PGR: variants seen among roughly 807,000 people sequenced by gnomAD.
PGR encodes progesterone receptor.
A neutral mutation model predicts 76.1 loss-of-function variants in PGR; 25 were observed. The ratio of observed to expected loss-of-function variants is 0.33; its 90% CI spans 0.24 to 0.46. The LOEUF (loss-of-function observed/expected upper bound fraction) is 0.46, where lower values mean the gene tolerates loss of function less well. PGR is among the 20% of genes least tolerant of loss of function. PGR has a pLI of 1.00. For missense variants in PGR, 1,172 were observed against 1,225.3 expected, an observed-to-expected ratio of 0.96 and a Z score of 0.65; for synonymous variants, 579 against 535.0, an observed-to-expected ratio of 1.08 and a Z score of -1.14.
intron 2 of PGR, among the ~76,000 whole-genome samples, chr11:101,109,993 A>C (rs1469822183): frequency 6.6e-6 from 1 of 152,208 alleles, no homozygotes; most frequent in Non-Finnish European, 1.5e-5. Context: ...TAGAAATGGA[A>C]CAACAAAGCC....
In PGR at chr11:101,036,235, G is replaced by T; in HGVS notation, c.*2881C>A. 1 of 220,722 alleles carries T rather than the reference G, an allele frequency of 4.5e-6. No individual in the cohort carries two copies. The highest frequency in any genetic ancestry group is 9.1e-6 in the Non-Finnish European group (1 of 110,366). 13.7% of individuals were successfully genotyped at this position (220,722 alleles called of 1,614,324 possible). ...ATCATATTTCCATATCATCTGTATAGCAATAAATTATCTTAATGTTAAATG... is the reference window on the plus strand; with the variant it reads ...ATCATATTTCCATATCATCTGTATATCAATAAATTATCTTAATGTTAAATG... On this transcript the variant is annotated 3_prime_UTR_variant, in exon 8 of 8. Transcript: ENST00000325455.
Position 101,062,675 on chromosome 11 carries a change from C to A in PGR, c.1984G>T (p.Val662Phe). 1 of 1,613,834 alleles carries A rather than the reference C, an allele frequency of 6.2e-7. No homozygotes were observed. The highest frequency in any genetic ancestry group is 8.5e-7 in the Non-Finnish European group (1 of 1,179,818). ...CTTAGGGCTTGGCTTTCATTTGGAA[C>A]GCCCACTGGCTGTGGGAGAGCAACA... ...DAVALPQPVG[V>F]PNESQALSQR... Residue 662 changes from valine (V) to phenylalanine (F), a missense_variant, in exon 4 of 8, where the codon GTT becomes TTT. By Grantham distance (50) the Val-to-Phe change is conservative. Coordinates refer to ENST00000325455, the MANE Select transcript of PGR (RefSeq NM_000926.4).
In PGR at chr11:101,052,668, C is replaced by G. The variant is rs565776914; in HGVS notation, c.2213-1100G>C. ...GGAATAAGTCTGGAGTTAGGGAGGA[C>G]AGTTGGGAGATACTGTCAAAGCCCA... On this transcript the variant is annotated intron_variant, in intron 4 of 7. Transcript: ENST00000325455. Among the ~76,000 whole-genome samples the G allele has an allele frequency of 5.9e-4, 90 of 152,072 alleles. 1 individual carries two copies. The highest frequency in any genetic ancestry group is 2.8e-4 in the Non-Finnish European group (19 of 67,996).
chr11:101,080,979 T>G (rs1338179954), intron 3 of PGR, among the ~76,000 whole-genome samples: 2 of 152,040 alleles, frequency 1.3e-5, no homozygotes, highest in African/African-American at 2.4e-5. Context: ...TAAGATTATA[T>G]AAAGCAAAAA....
chr11:101,066,829 A>T (rs1400309994), intron 3 of PGR, among the ~76,000 whole-genome samples: 1 of 152,104 alleles, frequency 6.6e-6, no homozygotes, highest in Non-Finnish European at 1.5e-5. Context: ...CCAAATCCAA[A>T]TACCTGTTTC....
chr11:101,063,420 G>T (rs1403832023), intron 3 of PGR: 1 of 152,224 alleles, frequency 6.6e-6, no homozygotes, highest in East Asian at 1.9e-4. Context: ...ATTTCTGGAT[G>T]ATTTCTGGAG....
intron 6 of PGR, among the ~76,000 whole-genome samples, chr11:101,045,552 G>C (rs1859842903): frequency 1.3e-5 from 2 of 152,056 alleles, no homozygotes; most frequent in Non-Finnish European, 2.9e-5. Context: ...AGAACATGTG[G>C]TATCTGACTT....
rs999987591 is a variant in PGR at position 101,101,294 on chromosome 11, A to G, written c.1790-9418T>C. 3.3e-5 allele frequency among the ~76,000 whole-genome samples: 5 copies of G among 152,210 alleles called. No homozygotes were observed. The South Asian group carries it at 1.0e-3, about 32-fold the overall frequency. ...GTACATAATGATATGTAAGAAGAGA[A>G]AGAATGAAAGAAACAAGAGGAACTC... On this transcript the variant is annotated intron_variant, in intron 2 of 7. Transcript: ENST00000325455.
chr11:101,127,940 A>G lies in PGR; in HGVS notation c.1131T>C (p.Tyr377=), dbSNP rs758366886. The G allele has an allele frequency of 3.4e-5, 55 of 1,610,282 alleles. No individual in the cohort carries two copies. Among genetic ancestry groups the G allele is most frequent in the Non-Finnish European group, 4.2e-5 (50 of 1,179,272 alleles). Residue 377 remains tyrosine, a synonymous_variant, in exon 1 of 8, where the codon TAT becomes TAC. Transcript: ENST00000325455. The part of the protein sequence containing the change: ...AEPKDDAYPL[Y]SDFQPPALKI... ...TTAGAGCGGGCGGCTGGAAGTCGCTATAGAGAGGGTACGCGTCGTCCTTGG... is the reference window on the plus strand; with the variant it reads ...TTAGAGCGGGCGGCTGGAAGTCGCTGTAGAGAGGGTACGCGTCGTCCTTGG...
At chr11:101,117,598 G>A (rs1191457528) in intron 2 of PGR, among the ~76,000 whole-genome samples, 1 of 151,360 alleles carries the variant, frequency 6.6e-6, no homozygotes, top group East Asian at 1.9e-4. Flanking sequence ...CATACTTTTA[G>A]GTTTCTTTTC....
intron 3 of PGR, among the ~76,000 whole-genome samples, chr11:101,069,415 G>A (rs1267845227): frequency 2.0e-5 from 3 of 152,180 alleles, no homozygotes. Flanking sequence ...GTTGGTGGGA[G>A]TGTAAATTAG....
intron 3 of PGR, among the ~76,000 whole-genome samples, chr11:101,072,451 T>C (rs961890139): frequency 2.0e-5 from 3 of 152,180 alleles, no homozygotes; most frequent in African/African-American, 7.2e-5. Flanking sequence ...AGCATCATAA[T>C]GACAGGATCA....
At chr11:101,080,601 G>C (rs1396732656) in intron 3 of PGR, among the ~76,000 whole-genome samples, 1 of 152,114 alleles carries the variant, frequency 6.6e-6, no homozygotes, top group Non-Finnish European at 1.5e-5. Context: ...ACATCACTAA[G>C]GGATTGCACT....
chr11:101,120,769 AT>A (rs1367189152), intron 2 of PGR, among the ~76,000 whole-genome samples: 1 of 152,194 alleles, frequency 6.6e-6, no homozygotes, highest in Non-Finnish European at 1.5e-5. Flanking sequence ...CTTAAGCCTT[AT>A]TGATAACATT....
chr11:101,051,338 T>C (rs1164643640), intron 5 of PGR, 86 bp downstream of exon 5: 11 of 894,026 alleles, frequency 1.2e-5, no homozygotes, highest in Non-Finnish European at 1.9e-5. Flanking sequence ...GAACACTAAA[T>C]ATGTGATCAT....
intron 3 of PGR, among the ~76,000 whole-genome samples, chr11:101,069,894 A>G (rs189933612): frequency 4.6e-5 from 7 of 152,216 alleles, no homozygotes; most frequent in Non-Finnish European, 7.4e-5. Flanking sequence ...TAGTAGAAAC[A>G]TCTAATGTAG....
rs1859397467 is a variant in PGR at position 101,032,960 on chromosome 11, A to C, written c.*6156T>G. The C allele has an allele frequency of 5.4e-6, 1 of 186,608 alleles. No homozygotes were observed. Among genetic ancestry groups the C allele is most frequent in the African/African-American group, 2.3e-5 (1 of 42,760 alleles). 11.6% of individuals were successfully genotyped at this position (186,608 alleles called of 1,614,324 possible). A position where few individuals can be genotyped will look rare whatever the true frequency, so the allele number is the denominator to read the frequency against. On this transcript the variant is annotated 3_prime_UTR_variant, in exon 8 of 8. Transcript: ENST00000325455. ...TTTTCAACAAAAAATAATTAATTTAATGTTTTAGAGAGCCCTCCATGTAAC... is the reference window on the plus strand; with the variant it reads ...TTTTCAACAAAAAATAATTAATTTACTGTTTTAGAGAGCCCTCCATGTAAC...
chr11:101,042,155 C>A (rs1859714418), intron 6 of PGR, 53 bp from the exon 7 acceptor site: 2 of 1,545,852 alleles, frequency 1.3e-6, no homozygotes, highest in African/African-American at 1.4e-5. Flanking sequence ...ATGACATTAA[C>A]AATTTATAAC....
chr11:101,117,306 T>G (rs1302839774), intron 2 of PGR, among the ~76,000 whole-genome samples: 1 of 152,216 alleles, frequency 6.6e-6, no homozygotes, highest in Non-Finnish European at 1.5e-5. Flanking sequence ...GGCTGTACTT[T>G]GTGAACTGTC....
Sources: allele counts gnomAD v4.1 joint callset (sites outside exome capture counted in the v4.1 genomes callset), GRCh38; gene constraint gnomAD v4.1.1; transcripts MANE v1.5; gene names NCBI Gene and HGNC (gene_info 2026-07-23, HGNC 2026-07-21).